Variants in NOM1 observed in about 807,000 individuals in gnomAD.
The protein encoded by NOM1 is nucleolar protein with MIF4G domain 1, also known as nucleolar MIF4G domain-containing protein 1.
A neutral mutation model predicts 73.3 loss-of-function variants in NOM1; 58 were observed. The observed-to-expected ratio is 0.79, with a 90% confidence interval of 0.64 to 0.99. NOM1 has a LOEUF of 0.99. NOM1 is among the 50% of genes least tolerant of loss of function. The probability of loss-of-function intolerance (pLI) is 0.00; values close to 1 mark genes in which losing one functional copy is unlikely to be tolerated. For synonymous variants in NOM1, 487 were observed against 446.8 expected (o/e 1.09, Z -1.14); for missense variants, 1,226 against 1,131.9 (o/e 1.08, Z -1.19).
At chr7:156,965,124 A>C (rs1804963191) in intron 7 of NOM1, among the ~76,000 whole-genome samples, 1 of 152,186 alleles carries the variant, frequency 6.6e-6, no homozygotes, top group South Asian at 2.1e-4. Context: ...CGCTGCCTTC[A>C]CCTGAGTGCT....
rs1049128588 is a variant in NOM1 at position 156,972,842 on chromosome 7, A to G, written c.*3139A>G. The stretch of plus-strand genomic sequence containing the variant: ...GAAACTCTCAAAAGCAGAAACAAAA[A>G]CCCAACATATATGGGCTGTTAGATA... On this transcript the variant is annotated 3_prime_UTR_variant, in exon 11 of 11. Transcript: ENST00000275820. 2 of 152,242 alleles carry G rather than the reference A, an allele frequency of 1.3e-5. No homozygotes were observed. The highest frequency in any genetic ancestry group is 2.9e-5 in the Non-Finnish European group (2 of 68,056). The allele number at this position is 152,242 out of a possible 1,614,324, so 9.4% of individuals were successfully genotyped here.
intron 6 of NOM1, 70 bp downstream of exon 6, chr7:156,963,245 C>T (rs1804911648): frequency 6.6e-7 from 1 of 1,526,546 alleles, no homozygotes; most frequent in Non-Finnish European, 9.0e-7. Flanking sequence ...CCTGGCTTTA[C>T]CTGGAGCAGC....
At position 156,965,837 on chromosome 7, in the gene NOM1, C is replaced by T. The variant is rs143543181; in HGVS notation, c.2034-433C>T. ...GCTGAGGTACAAGAATCACTTGAAC[C>T]GGAGAGATGGAGGTTGTAGTGAGCT... On this transcript the variant is annotated intron_variant, in intron 7 of 10. Coordinates refer to ENST00000275820, the MANE Select transcript of NOM1 (RefSeq NM_138400.2). Among the ~76,000 whole-genome samples the T allele has an allele frequency of 2.3e-4, 35 of 152,238 alleles. No individual in the cohort carries two copies. The East Asian group carries it at 5.4e-3, about 24-fold the overall frequency.
At position 156,969,114 on chromosome 7, in the gene NOM1, C is replaced by T. The variant is rs760588112; in HGVS notation, c.2326C>T (p.Pro776Ser). ...AGTTGAATTCAGTGAATTGGACAAA[C>T]CCAGAGTCCGTTTTTTACGAAAAGT... ...KVVEFSELDK[P>S]RVRFLRKVLS... Residue 776 changes from proline to serine, a missense_variant, in exon 10 of 11, where the codon CCC becomes TCC. By Grantham distance (74) the Pro-to-Ser change is moderately conservative. Coordinates refer to ENST00000275820, the MANE Select transcript of NOM1 (RefSeq NM_138400.2). The T allele has an allele frequency of 6.3e-7, 1 of 1,593,258 alleles. No individual in the cohort carries two copies. The highest frequency in any genetic ancestry group is 8.6e-7 in the Non-Finnish European group (1 of 1,160,896).
At chr7:156,951,319 A>G (rs1380492504) in intron 1 of NOM1, among the ~76,000 whole-genome samples, 1 of 152,166 alleles carries the variant, frequency 6.6e-6, no homozygotes, top group African/African-American at 2.4e-5. Flanking sequence ...CCAGGGAGGC[A>G]GAGGTTGCAC....
Position 156,969,885 on chromosome 7 carries a change from A to G in NOM1, c.*182A>G. The G allele has an allele frequency of 1.9e-6, 1 of 535,464 alleles. No homozygotes were observed. The highest frequency in any genetic ancestry group is 3.1e-6 in the Non-Finnish European group (1 of 327,330). The allele number at this position is 535,464 out of a possible 1,614,324, so 33.2% of individuals were successfully genotyped here. A position where few individuals can be genotyped will look rare whatever the true frequency, so the allele number is the denominator to read the frequency against. ...TTGTTTGTATTTCAAGCCATTTTCA[A>G]ATAACTATCTTGGGGGTGAGAGGAG... On this transcript the variant is annotated 3_prime_UTR_variant, in exon 11 of 11. Coordinates refer to ENST00000275820, the MANE Select transcript of NOM1 (RefSeq NM_138400.2).
chr7:156,958,094 T>G (rs1214165630), intron 3 of NOM1, among the ~76,000 whole-genome samples: 2 of 142,514 alleles, frequency 1.4e-5, no homozygotes, highest in Non-Finnish European at 3.2e-5. Context: ...AGCGTTGATT[T>G]CTTTGCAGTC....
rs182320900 is a variant in NOM1 at position 156,952,078 on chromosome 7, C to T, written c.988-396C>T. ...TTGAAATTGTTTTTAGGACACTTTC[C>T]CTCCAAAATTAGCGGTTTGTTTAAT... On this transcript the variant is annotated intron_variant, in intron 1 of 10. Coordinates refer to ENST00000275820, the MANE Select transcript of NOM1 (RefSeq NM_138400.2). 3.2e-4 allele frequency among the ~76,000 whole-genome samples: 48 copies of T among 152,244 alleles called. No individual in the cohort carries two copies. In the East Asian group the frequency reaches 6.4e-3, roughly 20 times the overall value.
Position 156,950,287 on chromosome 7 carries a change from C to G in NOM1, c.550C>G (p.Arg184Gly), listed in dbSNP as rs1472471686. The stretch of plus-strand genomic sequence containing the variant: ...TTTAGCGGCGAACGAGGAGGAGGAC[C>G]GAGAGATCCGAAAGCTGGAGCGTTG... The part of the protein sequence containing the change: ...ALLAANEEED[R>G]EIRKLERCLG... Residue 184 changes from arginine (R) to glycine (G), a missense_variant, in exon 1 of 11, where the codon CGA (arginine) becomes GGA (glycine). Coordinates refer to ENST00000275820, the MANE Select transcript of NOM1 (RefSeq NM_138400.2). 1 of 1,614,072 alleles carries G rather than the reference C, an allele frequency of 6.2e-7. No homozygotes were observed. Among genetic ancestry groups the G allele is most frequent in the Non-Finnish European group, 8.5e-7 (1 of 1,179,936 alleles).
At position 156,962,160 on chromosome 7, in the gene NOM1, A is replaced by G. The variant is rs571830934; in HGVS notation, c.1642A>G (p.Met548Val). The change falls in exon 5 of 11, where the codon ATG becomes GTG. Residue 548 changes from methionine to valine, a missense_variant. Met to Val is a conservative substitution (Grantham distance 21). Transcript: ENST00000275820. ...EFQDQTRIRF[M>V]LETMLALKNN... is the part of the protein sequence containing the mutation. The stretch of plus-strand genomic sequence containing the variant: ...TTCATTTTTCTTGAAGATTCGGTTT[A>G]TGCTAGAGACGATGTTGGCCCTGAA... 6.2e-7 allele frequency: 1 copy of G among 1,613,748 alleles called. No homozygotes were observed. Among genetic ancestry groups the G allele is most frequent in the African/African-American group, 1.3e-5 (1 of 75,026 alleles).
At chr7:156,950,808 C>G (rs1001291418) in intron 1 of NOM1, 84 bp downstream of exon 1, 3 of 1,236,050 alleles carry the variant, frequency 2.4e-6, no homozygotes, top group Non-Finnish European at 3.4e-6. Context: ...AGAAATGACA[C>G]AGACTTGGTG....
chr7:156,959,142 G>A (rs996860066), intron 3 of NOM1, among the ~76,000 whole-genome samples: 9 of 150,238 alleles, frequency 6.0e-5, no homozygotes, highest in East Asian at 2.0e-4. Context: ...TTGCTCTGTC[G>A]CCCAGGCTGG....
chr7:156,950,090 A>C lies in NOM1; in HGVS notation c.353A>C (p.Glu118Ala). The C allele has an allele frequency of 6.5e-7, 1 of 1,546,634 alleles. No homozygotes were observed. The highest frequency in any genetic ancestry group is 8.7e-7 in the Non-Finnish European group (1 of 1,148,120). The change falls in exon 1 of 11, where the codon GAA (glutamate) becomes GCA (alanine). Residue 118 changes from glutamate to alanine, a missense_variant. Physicochemically the swap from Glu to Ala is moderately radical, Grantham distance 107. Transcript: ENST00000275820. Reference protein sequence around the residue: ...PGLGGRSGAEEASGHRQDTEE... With the variant: ...PGLGGRSGAEAASGHRQDTEE... Reference sequence around the variant, plus strand: ...CTGGGAGGCCGAAGCGGAGCCGAAGAAGCCAGCGGTCACCGGCAGGACACG... The same window carrying C: ...CTGGGAGGCCGAAGCGGAGCCGAAGCAGCCAGCGGTCACCGGCAGGACACG...
rs1301241231 is a variant in NOM1, at chr7:156,972,903, A to C, written c.*3200A>C. On this transcript the variant is annotated 3_prime_UTR_variant, in exon 11 of 11. Coordinates refer to ENST00000275820, the MANE Select transcript of NOM1 (RefSeq NM_138400.2). ...TTTCGTATAAATAGTAAATGAGTAC[A>C]TCTTGATTAAAAGCTATGAATTCAG... 3 of 152,260 alleles carry C rather than the reference A, an allele frequency of 2.0e-5. No individual in the cohort carries two copies. 9.4% of individuals were successfully genotyped at this position (152,260 alleles called of 1,614,324 possible).
At chr7:156,952,414 G>A in intron 1 of NOM1, 60 bp from the exon 2 acceptor site, 1 of 1,564,726 alleles carries the variant, frequency 6.4e-7, no homozygotes, top group Non-Finnish European at 8.6e-7. Context: ...ATATGGCAAA[G>A]AAAAAACACA....
chr7:156,952,627 C>G, intron 2 of NOM1, 29 bp downstream of exon 2: 1 of 1,597,888 alleles, frequency 6.3e-7, no homozygotes, highest in East Asian at 2.2e-5. Context: ...TACACTGTGT[C>G]ACTTAGAGAG....
chr7:156,967,911 A>G (rs1050760579), intron 9 of NOM1, among the ~76,000 whole-genome samples: 1 of 60,874 alleles, frequency 1.6e-5, no homozygotes, highest in Non-Finnish European at 2.9e-5. Flanking sequence ...TGAATAGCCA[A>G]AAAAAAAAAC....
Position 156,969,228 on chromosome 7 carries a change from G to A in NOM1, c.2408+32G>A, listed in dbSNP as rs764647538. ...GCCCCACCCTTTCCGACGAGACATG[G>A]AAGAGAAATGAAGAGATTGTTTTCA... On this transcript the variant is annotated intron_variant, in intron 10 of 10. Coordinates refer to ENST00000275820, the MANE Select transcript of NOM1 (RefSeq NM_138400.2). The A allele has an allele frequency of 1.8e-5, 19 of 1,045,384 alleles. No individual in the cohort carries two copies. In the South Asian group the frequency reaches 1.9e-4, roughly 11 times the overall value. The allele number at this position is 1,045,384 out of a possible 1,614,324, so 64.8% of individuals were successfully genotyped here.
chr7:156,962,304 G>C lies in NOM1; in HGVS notation c.1743+43G>C, dbSNP rs137899357. On this transcript the variant is annotated intron_variant, in intron 5 of 10. Transcript: ENST00000275820. ...CAATTCTGTTTTGCTCAGAGCTTCCGTGTCGGCATGAGCCTGTCATGAAAA... is the reference window on the plus strand; with the variant it reads ...CAATTCTGTTTTGCTCAGAGCTTCCCTGTCGGCATGAGCCTGTCATGAAAA... 14 of 1,445,514 alleles carry C rather than the reference G, an allele frequency of 9.7e-6. No homozygotes were observed. In the East Asian group the frequency reaches 3.0e-4, roughly 31 times the overall value. 89.5% of individuals were successfully genotyped at this position (1,445,514 alleles called of 1,614,324 possible).
Sources: gnomAD v4.1 joint callset for allele counts (sites outside exome capture counted in the v4.1 genomes callset) on GRCh38, gnomAD v4.1.1 for gene constraint, MANE v1.5 for transcripts, NCBI Gene and HGNC (gene_info 2026-07-23, HGNC 2026-07-21) for gene names.